Variants in CHCHD3 observed in about 807,000 individuals in gnomAD.
CHCHD3 encodes MICOS complex subunit MIC19.
A neutral mutation model predicts 38.2 loss-of-function variants in CHCHD3; 20 were observed. The observed-to-expected ratio is 0.52, with a 90% CI of 0.37 to 0.76. CHCHD3 has a LOEUF of 0.76. Ranked by LOEUF, CHCHD3 falls within the 30% of genes least tolerant of loss-of-function variation. The pLI is 0.00. For missense variants in CHCHD3, 245 were observed against 279.2 expected (o/e 0.88, Z 0.87); for synonymous variants, 82 against 100.0 (o/e 0.82, Z 1.07).
chr7:133,065,951 CCTTGTTGAGT>C (rs1345258645), intron 2 of CHCHD3, among the ~76,000 whole-genome samples: 5 of 152,104 alleles, frequency 3.3e-5, no homozygotes. Context: ...GTCCTATGAG[CCTTGTTGAGT>C]CTTTTTCACA....
chr7:132,965,667 C>T (rs1811446586), intron 4 of CHCHD3, among the ~76,000 whole-genome samples: 1 of 152,118 alleles, frequency 6.6e-6, no homozygotes, highest in Non-Finnish European at 1.5e-5. Context: ...TATGTGCATA[C>T]ACTGGGCTAA....
intron 4 of CHCHD3, among the ~76,000 whole-genome samples, chr7:132,957,290 G>C (rs1449574233): frequency 1.3e-5 from 2 of 152,198 alleles, no homozygotes; most frequent in Non-Finnish European, 2.9e-5. Context: ...TGCAAGGTAA[G>C]TTGACCCCAT....
At chr7:132,955,196 G>GTGTGTGTGTGTGTGTGTGTT (rs1811132923) in intron 4 of CHCHD3, among the ~76,000 whole-genome samples, 1 of 151,230 alleles carries the variant, frequency 6.6e-6, no homozygotes, top group South Asian at 2.1e-4. Context: ...GTGTGTGTGT[G>GTGTGTGTGTGTGTGTGTGTT]TGTGTGTGTG....
At chr7:133,005,900 T>G (rs1812685977) in intron 3 of CHCHD3, among the ~76,000 whole-genome samples, 3 of 152,242 alleles carry the variant, frequency 2.0e-5, no homozygotes, top group Admixed American at 2.0e-4. Context: ...TTAGAAATAC[T>G]GAGTCCACTC....
chr7:132,875,453 A>G (rs1023021616), intron 5 of CHCHD3, among the ~76,000 whole-genome samples: 7 of 152,298 alleles, frequency 4.6e-5, no homozygotes, highest in Admixed American at 1.3e-4. Flanking sequence ...GAGGCAACCA[A>G]TGTATTGGGG....
intron 4 of CHCHD3, among the ~76,000 whole-genome samples, chr7:132,913,543 CACA>C (rs1350402288): frequency 6.6e-6 from 1 of 152,206 alleles, no homozygotes; most frequent in African/African-American, 2.4e-5. Flanking sequence ...TCTGGCCACA[CACA>C]AGAGTACCTG....
At chr7:132,954,760 G>A (rs556945238) in intron 4 of CHCHD3, among the ~76,000 whole-genome samples, 8 of 152,252 alleles carry the variant, frequency 5.3e-5, no homozygotes, top group Admixed American at 2.0e-4. Flanking sequence ...AAGTAGAGCA[G>A]ATATCTCCAT....
chr7:132,916,430 T>A (rs1810107481), intron 4 of CHCHD3, among the ~76,000 whole-genome samples: 1 of 152,144 alleles, frequency 6.6e-6, no homozygotes, highest in Non-Finnish European at 1.5e-5. Context: ...TTACAGTAGT[T>A]CCCCCTTTAT....
intron 7 of CHCHD3, 27 bp downstream of exon 7, chr7:132,796,415 C>T: frequency 6.2e-7 from 1 of 1,612,346 alleles, no homozygotes. Context: ...TGCCCAGTGC[C>T]CCCAGTGGCC....
chr7:132,965,880 T>C (rs1811453057), intron 4 of CHCHD3, among the ~76,000 whole-genome samples: 1 of 152,176 alleles, frequency 6.6e-6, no homozygotes, highest in Admixed American at 6.5e-5. Flanking sequence ...TCATTTGTCA[T>C]AAAAGATGGA....
intron 3 of CHCHD3, among the ~76,000 whole-genome samples, chr7:132,997,244 C>T (rs1244105157): frequency 6.6e-6 from 1 of 152,104 alleles, no homozygotes; most frequent in African/African-American, 2.4e-5. Context: ...CCACTGGCTG[C>T]CTATATAGTT....
chr7:132,851,090 A>C (rs527569730), intron 5 of CHCHD3, among the ~76,000 whole-genome samples: 200 of 152,344 alleles, frequency 1.3e-3, no homozygotes, highest in Admixed American at 3.1e-3. Context: ...GAAAGGTACA[A>C]AACACTTTGA....
At position 133,031,438 on chromosome 7, in the gene CHCHD3, ACCT is replaced by A. The variant is rs138727055; in HGVS notation, c.170-6814_170-6812del. ...TCTGAAATATACATAGATTCCCTGA[ACCT>A]CAAGGAACATACTAATTTCCTTTGT... On this transcript the variant is annotated intron_variant, in intron 2 of 7. Transcript: ENST00000262570. Among the ~76,000 whole-genome samples the A allele has an allele frequency of 1.7e-3, 258 of 152,202 alleles. 2 individuals are homozygous for A. Among genetic ancestry groups the A allele is most frequent in the African/African-American group, 5.9e-3 (244 of 41,550 alleles).
In CHCHD3 at chr7:132,788,303, G is replaced by A. The variant is rs572501344; in HGVS notation, c.661-2643C>T. On this transcript the variant is annotated intron_variant, in intron 7 of 7. Transcript: ENST00000262570. This position sits in a 1 kb window ranked among gnomAD's most constrained non-coding sequence, Gnocchi z 4.0. The stretch of plus-strand genomic sequence containing the variant: ...TGATGCCACTTAGCCATTTGCATTT[G>A]GGGGGGTTATAGATTCACTGCTTTC... Among the ~76,000 whole-genome samples, 2 of 152,188 alleles carry A rather than the reference G, an allele frequency of 1.3e-5. No individual in the cohort carries two copies. Among genetic ancestry groups the A allele is most frequent in the African/African-American group, 4.8e-5 (2 of 41,528 alleles).
chr7:132,880,549 T>C (rs1229911385), intron 5 of CHCHD3, among the ~76,000 whole-genome samples: 8 of 152,192 alleles, frequency 5.3e-5, no homozygotes, highest in Admixed American at 4.6e-4. Context: ...TAAACATAAC[T>C]TCATAGTATA....
At chr7:133,069,978 A>G (rs1369849109) in intron 2 of CHCHD3, among the ~76,000 whole-genome samples, 164 bp downstream of exon 2, 1 of 152,198 alleles carries the variant, frequency 6.6e-6, no homozygotes, top group Non-Finnish European at 1.5e-5. Flanking sequence ...TTCTTAGTAC[A>G]AAACATTTTA....
At chr7:132,826,055 C>G (rs890591416) in intron 6 of CHCHD3, among the ~76,000 whole-genome samples, 4 of 152,182 alleles carry the variant, frequency 2.6e-5, no homozygotes, top group Non-Finnish European at 5.9e-5. Flanking sequence ...AATCATAAAC[C>G]ATGCTGAATG....
At chr7:132,809,109 T>C (rs1807003521) in intron 6 of CHCHD3, among the ~76,000 whole-genome samples, 1 of 149,528 alleles carries the variant, frequency 6.7e-6, no homozygotes, top group South Asian at 2.2e-4. Flanking sequence ...ACCACCACAC[T>C]TGGCTAATTT....
chr7:132,925,414 C>G (rs1403821374), intron 4 of CHCHD3, among the ~76,000 whole-genome samples: 2 of 152,152 alleles, frequency 1.3e-5, no homozygotes, highest in Non-Finnish European at 2.9e-5. Flanking sequence ...CACTTTCCAG[C>G]AAAGTTTACT....
Sources: gnomAD v4.1 joint callset for allele counts (sites outside exome capture counted in the v4.1 genomes callset) on GRCh38, gnomAD v4.1.1 for gene constraint, Gnocchi (gnomAD v3.1) non-coding constraint, MANE v1.5 for transcripts, NCBI Gene and HGNC (gene_info 2026-07-23, HGNC 2026-07-21) for gene names.